Variants in PTCSC3 observed in about 807,000 individuals in gnomAD.
PTCSC3 encodes papillary thyroid carcinoma susceptibility candidate 3, also known as papillary thyroid carcinoma susceptibility candidate 3 (non-protein coding).
intron 3 of PTCSC3, among the ~76,000 whole-genome samples, chr14:36,147,659 G>A (rs939975694): frequency 1.3e-5 from 2 of 151,874 alleles, no homozygotes; most frequent in African/African-American, 2.4e-5. Context: ...TCTTCTCTCA[G>A]CTCGTCAAAG....
chr14:36,169,045 G>T (rs895377475), intron 1 of PTCSC3, among the ~76,000 whole-genome samples: 1 of 151,854 alleles, frequency 6.6e-6, no homozygotes, highest in Non-Finnish European at 1.5e-5. Context: ...CACATTAAGA[G>T]AAATTATAGA....
At chr14:36,143,152 T>A in intron 3 of PTCSC3, among the ~76,000 whole-genome samples, 3 of 149,486 alleles carry the variant, frequency 2.0e-5, no homozygotes, top group South Asian at 2.2e-4. Flanking sequence ...GCATGATTTA[T>A]AGTCCTTTGG....
intron 2 of PTCSC3, among the ~76,000 whole-genome samples, chr14:36,156,757 G>A (rs1361949010): frequency 1.3e-5 from 2 of 152,060 alleles, no homozygotes; most frequent in Non-Finnish European, 1.5e-5. Context: ...CCCTTTTTAT[G>A]GCTGCATAGT....
chr14:36,143,761 A>C (rs1225186506), intron 3 of PTCSC3, among the ~76,000 whole-genome samples: 4 of 144,312 alleles, frequency 2.8e-5, no homozygotes, highest in Non-Finnish European at 1.5e-5. Flanking sequence ...GGTAATGCCT[A>C]GGTTTTCTTC....
At chr14:36,166,313 A>G (rs1264591187) in intron 1 of PTCSC3, among the ~76,000 whole-genome samples, 1 of 152,210 alleles carries the variant, frequency 6.6e-6, no homozygotes, top group Non-Finnish European at 1.5e-5. Flanking sequence ...CGTAAGGACG[A>G]AACATATTCC....
intron 3 of PTCSC3, among the ~76,000 whole-genome samples, chr14:36,151,263 C>T (rs1255594618): frequency 6.6e-6 from 1 of 152,028 alleles, no homozygotes; most frequent in African/African-American, 2.4e-5. Flanking sequence ...TATCCTTGTT[C>T]CTCTGTAGGT....
intron 3 of PTCSC3, among the ~76,000 whole-genome samples, chr14:36,139,351 G>T (rs1881368472): frequency 6.6e-6 from 1 of 152,144 alleles, no homozygotes; most frequent in Non-Finnish European, 1.5e-5. Context: ...ATGTAAAACA[G>T]CATATAGTGC....
At chr14:36,158,935 G>T (rs558196546) in intron 2 of PTCSC3, among the ~76,000 whole-genome samples, 1 of 152,296 alleles carries the variant, frequency 6.6e-6, no homozygotes, top group South Asian at 2.1e-4. Flanking sequence ...TGCAGAACTT[G>T]TTATTGGTCT....
intron 1 of PTCSC3, among the ~76,000 whole-genome samples, chr14:36,171,879 G>A (rs943913235): frequency 6.6e-6 from 1 of 152,088 alleles, no homozygotes; most frequent in Non-Finnish European, 1.5e-5. Flanking sequence ...TAGCAAATGT[G>A]GGGTGTATTT....
At chr14:36,168,377 ATATATAT>A (rs1882135019) in intron 1 of PTCSC3, among the ~76,000 whole-genome samples, 2 of 142,230 alleles carry the variant, frequency 1.4e-5, no homozygotes, top group Admixed American at 1.4e-4. Flanking sequence ...ATATATATAT[ATATATAT>A]ATATATATAT....
intron 3 of PTCSC3, among the ~76,000 whole-genome samples, chr14:36,147,486 G>T (rs1476096815): frequency 6.6e-6 from 1 of 151,996 alleles, no homozygotes; most frequent in African/African-American, 2.4e-5. Context: ...TCTTCACGTT[G>T]TTCTTGAGCC....
rs184039202 is a variant in PTCSC3, at chr14:36,151,967, T to C, written n.322+1837A>G. ...GAAAACTCATGAAAATGATTTTTCA[T>C]TTCATTGTGATTTGTAACTGCAATG... On this transcript the variant is annotated intron_variant and non_coding_transcript_variant, in intron 3 of 3. Coordinates refer to ENST00000556013, the Ensembl canonical transcript of PTCSC3. Among the ~76,000 whole-genome samples, 15 of 152,370 alleles carry C rather than the reference T, an allele frequency of 9.8e-5. No homozygotes were observed. The East Asian group carries it at 2.9e-3, about 29-fold the overall frequency.
chr14:36,146,503 T>C (rs1881571591), intron 3 of PTCSC3, among the ~76,000 whole-genome samples: 1 of 151,730 alleles, frequency 6.6e-6, no homozygotes, highest in African/African-American at 2.4e-5. Flanking sequence ...TTTTTTGTTT[T>C]CCATTTGCTT....
intron 2 of PTCSC3, among the ~76,000 whole-genome samples, chr14:36,157,753 T>C (rs1054042262): frequency 2.0e-5 from 3 of 152,178 alleles, no homozygotes; most frequent in African/African-American, 7.2e-5. Context: ...CTTTTTTTGG[T>C]TCCGTATGAA....
chr14:36,156,983 C>G (rs188899685), intron 2 of PTCSC3, among the ~76,000 whole-genome samples: 1 of 152,256 alleles, frequency 6.6e-6, no homozygotes, highest in Admixed American at 6.5e-5. Context: ...CTTGAGGAAT[C>G]GCCACACTGT....
At chr14:36,167,630 G>A (rs185405820) in intron 1 of PTCSC3, among the ~76,000 whole-genome samples, 45 of 152,160 alleles carry the variant, frequency 3.0e-4, no homozygotes, top group Admixed American at 2.2e-3. Context: ...AAGCCCAGGG[G>A]AGCGTAAACA....
chr14:36,162,711 G>A (rs1032303615), intron 1 of PTCSC3: 1 of 152,238 alleles, frequency 6.6e-6, no homozygotes, highest in Non-Finnish European at 1.5e-5. Flanking sequence ...TATTTTTAGA[G>A]AGTCAGTCCA....
At chr14:36,173,431 T>G (rs1199348016) in intron 1 of PTCSC3, among the ~76,000 whole-genome samples, 1 of 152,118 alleles carries the variant, frequency 6.6e-6, no homozygotes, top group Non-Finnish European at 1.5e-5. Context: ...TCTGAGCTGT[T>G]CACATTCAAT....
At chr14:36,145,245 C>T (rs1356337993) in intron 3 of PTCSC3, among the ~76,000 whole-genome samples, 4 of 148,434 alleles carry the variant, frequency 2.7e-5, no homozygotes, top group Admixed American at 2.7e-4. Flanking sequence ...GTACCAGTTC[C>T]TCTTTGTACC....
Sources: allele counts gnomAD v4.1 joint callset (sites outside exome capture counted in the v4.1 genomes callset), GRCh38; gene constraint gnomAD v4.1.1; transcripts MANE v1.5; gene names NCBI Gene and HGNC (gene_info 2026-07-23, HGNC 2026-07-21).